TRIM34: variants seen among roughly 807,000 people sequenced by gnomAD.
TRIM34 encodes E3 ubiquitin-protein ligase TRIM34.
Under a neutral mutation model 38.1 loss-of-function variants are expected in TRIM34, and 41 were observed. That is an observed-to-expected ratio of 1.08 (90% CI 0.84 to 1.40). TRIM34 has a LOEUF of 1.40. Among genes scored for constraint, TRIM34 ranks in the 40% most tolerant of loss-of-function variants. The pLI is 0.00. For synonymous variants in TRIM34, 200 were observed against 202.5 expected (o/e 0.99, Z 0.10); for missense variants, 556 against 571.4 (o/e 0.97, Z 0.27).
intron 7 of TRIM34, 25 bp downstream of exon 7, chr11:5,642,868 A>G (rs1416191443): frequency 6.2e-7 from 1 of 1,613,552 alleles, no homozygotes; most frequent in East Asian, 2.2e-5. Context: ...GTCTTTAAAT[A>G]ACTGTTTTCC....
Position 5,643,500 on chromosome 11 carries a change from G to C in TRIM34, c.1258G>C (p.Glu420Gln). 6.2e-7 allele frequency: 1 copy of C among 1,614,150 alleles called. No homozygotes were observed. Residue 420 changes from glutamate to glutamine, a missense_variant, in exon 8 of 8, where the codon GAG becomes CAG. Transcript: ENST00000429814. ...VFEESLSSDPEVLTLSMAVPP... is the reference protein window; with the variant it reads ...VFEESLSSDPQVLTLSMAVPP... The stretch of plus-strand genomic sequence containing the variant: ...TGAAGAGTCTTTGTCCTCTGATCCC[G>C]AGGTTTTGACTCTCTCCATGGCTGT...
chr11:5,643,045 T>A, intron 7 of TRIM34, 99 bp from the exon 8 acceptor site: 1 of 1,292,764 alleles, frequency 7.7e-7, no homozygotes. Context: ...CATCACCATG[T>A]CACTAGATAA....
In TRIM34 at chr11:5,643,441, T is replaced by C. The variant is rs770892020; in HGVS notation, c.1199T>C (p.Ile400Thr). ...AGACCTCTATTTGGCTACTGGGTTATAGGGTTACAGAATAAATGTAAGTAT... is the reference window on the plus strand; with the variant it reads ...AGACCTCTATTTGGCTACTGGGTTACAGGGTTACAGAATAAATGTAAGTAT... ...KYRPLFGYWV[I>T]GLQNKCKYGV... The change falls in exon 8 of 8, where the codon ATA (isoleucine) becomes ACA (threonine). Residue 400 changes from isoleucine to threonine, a missense_variant. Coordinates refer to ENST00000429814, the MANE Select transcript of TRIM34 (RefSeq NM_021616.6). 3.1e-6 allele frequency: 5 copies of C among 1,614,096 alleles called. No individual in the cohort carries two copies. The African/African-American group carries it at 5.3e-5, about 17-fold the overall frequency.
At position 5,643,180 on chromosome 11, in the gene TRIM34, A is replaced by C. The variant is rs1590190555; in HGVS notation, c.938A>C (p.Asn313Thr). ...VTLNSVNLNL[N>T]LVLSEDQRQV... ...CTGAATTCAGTCAACCTAAATTTGA[A>C]TCTTGTCCTTTCAGAAGATCAGAGA... The change falls in exon 8 of 8, where the codon AAT (asparagine) becomes ACT (threonine). Residue 313 changes from asparagine (N) to threonine (T), a missense_variant. Transcript: ENST00000429814. 6.3e-7 allele frequency: 1 copy of C among 1,590,954 alleles called. No individual in the cohort carries two copies. Among genetic ancestry groups the C allele is most frequent in the Non-Finnish European group, 8.5e-7 (1 of 1,171,932 alleles).
intron 4 of TRIM34, among the ~76,000 whole-genome samples, chr11:5,637,510 T>G (rs777183189): frequency 6.6e-6 from 1 of 152,216 alleles, no homozygotes; most frequent in Non-Finnish European, 1.5e-5. Context: ...TTTGGCCATT[T>G]TTATTTTTGA....
chr11:5,641,522 A>G (rs1850011738), intron 5 of TRIM34, among the ~76,000 whole-genome samples: 1 of 152,154 alleles, frequency 6.6e-6, no homozygotes, highest in Non-Finnish European at 1.5e-5. Flanking sequence ...TTTATTTTAT[A>G]TGTGTTTGTC....
intron 1 of TRIM34, among the ~76,000 whole-genome samples, chr11:5,626,202 T>C (rs1413174228): frequency 6.6e-6 from 1 of 152,216 alleles, no homozygotes; most frequent in South Asian, 2.1e-4. Flanking sequence ...AAATTGATTA[T>C]AAAGCAGGCT....
rs1374006391 is a variant in TRIM34 at position 5,642,840 on chromosome 11, T to TG, written c.901+1dup. The TG allele has an allele frequency of 6.2e-7, 1 of 1,614,014 alleles. No individual in the cohort carries two copies. On this transcript the variant is annotated frameshift_variant, in exon 7 of 8. Coordinates refer to ENST00000429814, the MANE Select transcript of TRIM34 (RefSeq NM_021616.6). LOFTEE classifies it low-confidence loss of function (END_TRUNC). ...AGAACTGACAGCTGTCCGGTGCTAC[T>TG]GGGGTAAGAAAAAGTTAGTCTTTAA...
Position 5,644,098 on chromosome 11 carries a change from G to A in TRIM34, c.*389G>A. 2.4e-6 allele frequency: 1 copy of A among 408,338 alleles called. No homozygotes were observed. The highest frequency in any genetic ancestry group is 4.3e-6 in the Non-Finnish European group (1 of 232,436). 25.3% of individuals were successfully genotyped at this position (408,338 alleles called of 1,614,324 possible). On this transcript the variant is annotated 3_prime_UTR_variant, in exon 8 of 8. Transcript: ENST00000429814. ...AACATCAACTAAAGGTTCTTGGAGGGTATGTCAGTGTGTTGCTCAGGATAC... is the reference window on the plus strand; with the variant it reads ...AACATCAACTAAAGGTTCTTGGAGGATATGTCAGTGTGTTGCTCAGGATAC...
chr11:5,634,988 GA>G, intron 4 of TRIM34, 127 bp downstream of exon 4: 3 of 921,822 alleles, frequency 3.3e-6, no homozygotes, highest in Non-Finnish European at 4.7e-6. Context: ...GTCCATTCTA[GA>G]TGTCATGGAC....
rs1297279850 is a variant in TRIM34 at position 5,643,672 on chromosome 11, G to C, written c.1430G>C (p.Cys477Ser). 6.2e-7 allele frequency: 1 copy of C among 1,611,704 alleles called. No individual in the cohort carries two copies. ...TATCCATATTTCAATCCTTGGAACTGTCCAGCTCCCATGACTCTATGCCCA... is the reference window on the plus strand; with the variant it reads ...TATCCATATTTCAATCCTTGGAACTCTCCAGCTCCCATGACTCTATGCCCA... ...PVYPYFNPWNCPAPMTLCPPS... is the reference protein window; with the variant it reads ...PVYPYFNPWNSPAPMTLCPPS... Residue 477 changes from cysteine (C) to serine (S), a missense_variant, in exon 8 of 8, where the codon TGT (cysteine) becomes TCT (serine). Cys to Ser is a moderately radical substitution (Grantham distance 112, BLOSUM62 -1). Coordinates refer to ENST00000429814, the MANE Select transcript of TRIM34 (RefSeq NM_021616.6).
chr11:5,624,880 TC>T (rs1320703242), upstream of TRIM34: 1 of 152,258 alleles, frequency 6.6e-6, no homozygotes, highest in Non-Finnish European at 1.5e-5. Context: ...AGACGCTCCT[TC>T]CCCTTTTCTC....
chr11:5,636,634 T>G (rs1268800746), intron 4 of TRIM34, among the ~76,000 whole-genome samples: 1 of 152,220 alleles, frequency 6.6e-6, no homozygotes, highest in African/African-American at 2.4e-5. Context: ...ACACTGTGTT[T>G]ATGTCATTTG....
chr11:5,620,278 A>G (rs1848941920), upstream of TRIM34, among the ~76,000 whole-genome samples: 1 of 131,200 alleles, frequency 7.6e-6, no homozygotes, highest in East Asian at 2.3e-4. Flanking sequence ...CCTGGGTTCT[A>G]TGGATTCTCC....
intron 4 of TRIM34, among the ~76,000 whole-genome samples, chr11:5,636,080 T>C (rs1477336482): frequency 3.3e-5 from 5 of 152,226 alleles, no homozygotes; most frequent in Non-Finnish European, 7.3e-5. Flanking sequence ...CATAAACTTA[T>C]ATATGAAAGT....
chr11:5,623,063 A>G (rs2133898769), upstream of TRIM34, among the ~76,000 whole-genome samples: 1 of 148,606 alleles, frequency 6.7e-6, no homozygotes, highest in Admixed American at 6.7e-5. Flanking sequence ...ATATTCATTT[A>G]TCTCACCTGA....
At chr11:5,641,239 T>G (rs1331223042) in intron 5 of TRIM34, 50 bp downstream of exon 5, 1 of 1,613,282 alleles carries the variant, frequency 6.2e-7, no homozygotes, top group Non-Finnish European at 8.5e-7. Flanking sequence ...AAGAAGTGTT[T>G]GTAGCTATTA....
chr11:5,629,867 CT>C (rs1367120764), intron 1 of TRIM34, among the ~76,000 whole-genome samples: 1 of 152,192 alleles, frequency 6.6e-6, no homozygotes, highest in East Asian at 1.9e-4. Context: ...GCCGCCACCC[CT>C]GGCTAATTTT....
intron 4 of TRIM34, among the ~76,000 whole-genome samples, chr11:5,639,710 T>C (rs1242315700): frequency 2.3e-5 from 2 of 86,554 alleles, no homozygotes; most frequent in Non-Finnish European, 5.6e-5. Flanking sequence ...AAAAAAAAGA[T>C]TGGAAGAGGT....
Sources: gnomAD v4.1 joint callset for allele counts (sites outside exome capture counted in the v4.1 genomes callset) on GRCh38, gnomAD v4.1.1 for gene constraint, MANE v1.5 for transcripts, NCBI Gene and HGNC (gene_info 2026-07-23, HGNC 2026-07-21) for gene names.